The following PCM1 variants were observed in gnomAD, a reference collection of about 807,000 sequenced individuals.
PCM1 encodes the protein pericentriolar material 1, also known as pericentriolar material 1 protein.
A neutral mutation model predicts 241.9 loss-of-function variants in PCM1; 157 were observed. The observed-to-expected ratio is 0.65, with a 90% confidence interval of 0.57 to 0.74. The LOEUF (loss-of-function observed/expected upper bound fraction) is 0.74. Ranked by LOEUF, PCM1 falls within the 30% of genes least tolerant of loss-of-function variation. The pLI, the probability that PCM1 is intolerant of heterozygous loss-of-function variation, is 0.00. For missense variants in PCM1, 3,478 were observed against 2,360.1 expected, an observed-to-expected ratio of 1.47 and a Z score of -9.81; for synonymous variants, 1,085 against 784.9, an observed-to-expected ratio of 1.38 and a Z score of -6.39.
chr8:17,924,233 C>T (rs1489230521), intron 1 of PCM1, among the ~76,000 whole-genome samples: 2 of 152,166 alleles, frequency 1.3e-5, no homozygotes, highest in African/African-American at 2.4e-5. Flanking sequence ...GACCCCTGAA[C>T]ACCAATATAA....
At chr8:17,938,664 T>C (rs747980566) in intron 4 of PCM1, 76 bp from the exon 5 acceptor site, 2 of 1,022,044 alleles carry the variant, frequency 2.0e-6, no homozygotes, top group Non-Finnish European at 3.0e-6. Context: ...ATGGCGAAAC[T>C]AAGAACATTG....
intron 36 of PCM1, among the ~76,000 whole-genome samples, chr8:18,015,519 T>G (rs2093057802): frequency 6.7e-6 from 1 of 148,810 alleles, no homozygotes; most frequent in East Asian, 2.0e-4. Flanking sequence ...AGAAGGTACT[T>G]GATAAAAGAC....
At chr8:17,990,063 T>C in intron 27 of PCM1, 84 bp downstream of exon 27, 1 of 1,135,892 alleles carries the variant, frequency 8.8e-7, no homozygotes, top group Non-Finnish European at 1.2e-6. Flanking sequence ...AGGAAACAAG[T>C]CTAGAAAGGC....
At chr8:18,021,889 C>G (rs1364230368) in intron 36 of PCM1, among the ~76,000 whole-genome samples, 1 of 152,196 alleles carries the variant, frequency 6.6e-6, no homozygotes, top group Non-Finnish European at 1.5e-5. Flanking sequence ...TCTGAAATGA[C>G]TCAATACTCT....
chr8:18,009,290 C>T (rs1014062581), intron 30 of PCM1, among the ~76,000 whole-genome samples: 1 of 152,130 alleles, frequency 6.6e-6, no homozygotes, highest in African/African-American at 2.4e-5. Flanking sequence ...TGTCTGAATT[C>T]ATTTGTGCCC....
At chr8:18,013,666 TTCCCTTCTTGTCTGCATTAAGTG>T (rs2092788665) in intron 34 of PCM1, among the ~76,000 whole-genome samples, 1 of 152,184 alleles carries the variant, frequency 6.6e-6, no homozygotes, top group Admixed American at 6.5e-5. Context: ...TCCTCCTTCA[TTCCCTTCTTGTCTGCATTAAGTG>T]TCTTTTAGAG....
Position 17,962,040 on chromosome 8 carries a change from G to C in PCM1, c.2329G>C (p.Ala777Pro). Residue 777 changes from alanine to proline, a missense_variant, in exon 16 of 39, where the codon GCT (alanine) becomes CCT (proline). Coordinates refer to ENST00000325083, the MANE Select transcript of PCM1 (RefSeq NM_006197.4). ...TTTGTGAATTCCTTTTTAGCTGTCAGCTGCTAGTGTGGGTAACTGTCCCAC... is the reference window on the plus strand; with the variant it reads ...TTTGTGAATTCCTTTTTAGCTGTCACCTGCTAGTGTGGGTAACTGTCCCAC... Reference protein sequence around the residue: ...QTACPDLQLSAASVGNCPTKK... With the variant: ...QTACPDLQLSPASVGNCPTKK... 2 of 1,607,324 alleles carry C rather than the reference G, an allele frequency of 1.2e-6. No homozygotes were observed. Among genetic ancestry groups the C allele is most frequent in the Admixed American group, 1.7e-5 (1 of 59,028 alleles).
chr8:17,961,302 A>AG (rs1484781718), intron 15 of PCM1, among the ~76,000 whole-genome samples: 5 of 105,124 alleles, frequency 4.8e-5, no homozygotes, highest in African/African-American at 2.2e-4. Flanking sequence ...TTTATTGGCT[A>AG]GCTTTTTTTT....
At chr8:17,951,963 C>T (rs991426681) in intron 8 of PCM1, among the ~76,000 whole-genome samples, 13 of 152,074 alleles carry the variant, frequency 8.5e-5, no homozygotes, top group Non-Finnish European at 2.9e-5. Flanking sequence ...TGGCTTATGC[C>T]TGTAATCCCA....
intron 6 of PCM1, among the ~76,000 whole-genome samples, chr8:17,945,928 A>C (rs1016531275): frequency 6.6e-6 from 1 of 152,190 alleles, no homozygotes; most frequent in African/African-American, 2.4e-5. Context: ...TATTTTATGT[A>C]AATATTAGGT....
intron 36 of PCM1, among the ~76,000 whole-genome samples, chr8:18,019,727 T>A (rs1198863175): frequency 6.6e-6 from 1 of 152,016 alleles, no homozygotes; most frequent in Non-Finnish European, 1.5e-5. Context: ...TGGGAGTAGG[T>A]TTAAATAAAG....
At chr8:17,959,281 A>T (rs1475577134) in intron 13 of PCM1, among the ~76,000 whole-genome samples, 1 of 151,328 alleles carries the variant, frequency 6.6e-6, no homozygotes, top group Non-Finnish European at 1.5e-5. Context: ...AGTAATTAAG[A>T]AACACAAATA....
chr8:17,969,628 A>G lies in PCM1; in HGVS notation c.3464A>G (p.Asn1155Ser). Residue 1155 changes from asparagine to serine, a missense_variant, in exon 22 of 39, where the codon AAT (asparagine) becomes AGT (serine). Coordinates refer to ENST00000325083, the MANE Select transcript of PCM1 (RefSeq NM_006197.4). ...TCTAATTTTGGAGATTTTTCTCAGAATATCTCTACACCCAGTGAACAGCAG... is the reference window on the plus strand; with the variant it reads ...TCTAATTTTGGAGATTTTTCTCAGAGTATCTCTACACCCAGTGAACAGCAG... ...FPSNFGDFSQNISTPSEQQQP... is the reference protein window; with the variant it reads ...FPSNFGDFSQSISTPSEQQQP... 6.2e-7 allele frequency: 1 copy of G among 1,611,800 alleles called. No homozygotes were observed. Among genetic ancestry groups the G allele is most frequent in the South Asian group, 1.1e-5 (1 of 90,558 alleles).
intron 7 of PCM1, among the ~76,000 whole-genome samples, chr8:17,949,558 C>A (rs1171164265): frequency 7.0e-6 from 1 of 143,770 alleles, no homozygotes; most frequent in Admixed American, 7.2e-5. Flanking sequence ...ATACAGTGGG[C>A]GTGATCTTGG....
At chr8:17,963,018 C>G (rs1412401995) in intron 16 of PCM1, 83 bp from the exon 17 acceptor site, 2 of 906,538 alleles carry the variant, frequency 2.2e-6, no homozygotes, top group East Asian at 2.7e-5. Flanking sequence ...TTTGTTGATA[C>G]TGACAATACT....
At chr8:18,009,815 T>TGAAATCACATTTTACCTCAGCAAAAGTA in intron 31 of PCM1, 71 bp downstream of exon 31, 2 of 970,074 alleles carry the variant, frequency 2.1e-6, no homozygotes, top group Non-Finnish European at 2.8e-6. Context: ...TATTATTAAC[T>TGAAATCACATTTTACCTCAGCAAAAGTA]GAAATCACAT....
intron 13 of PCM1, 135 bp downstream of exon 13, chr8:17,957,910 G>A: frequency 1.6e-6 from 1 of 631,758 alleles, no homozygotes; most frequent in Non-Finnish European, 2.7e-6. Context: ...TAAATTTTTA[G>A]CACTTTACAT....
intron 2 of PCM1, among the ~76,000 whole-genome samples, chr8:17,930,126 C>G (rs1057030806): frequency 7.8e-5 from 10 of 128,072 alleles, no homozygotes; most frequent in Non-Finnish European, 1.3e-4. Flanking sequence ...TTTTTTGAGA[C>G]AGAGTCTCGC....
Position 17,947,452 on chromosome 8 carries a change from A to T in PCM1, c.961+89A>T, listed in dbSNP as rs115720079. 1,001 of 916,118 alleles carry T rather than the reference A, an allele frequency of 1.1e-3. 6 individuals carry two copies. In the African/African-American group the frequency reaches 0.014, roughly 12 times the overall value. The allele number at this position is 916,118 out of a possible 1,614,324, so 56.7% of individuals were successfully genotyped here. On this transcript the variant is annotated intron_variant, in intron 7 of 38. Coordinates refer to ENST00000325083, the MANE Select transcript of PCM1 (RefSeq NM_006197.4). ...TGGATGCTGATTATTACATAATCAG[A>T]TCTTGATTGTTGTCTAGTTTAGAAA...
Sources: gnomAD v4.1 joint callset for allele counts (sites outside exome capture counted in the v4.1 genomes callset) on GRCh38, gnomAD v4.1.1 for gene constraint, MANE v1.5 for transcripts, NCBI Gene and HGNC (gene_info 2026-07-23, HGNC 2026-07-21) for gene names.